The following TUT4 variants were observed in gnomAD, a reference collection of about 807,000 sequenced individuals.
TUT4 encodes the protein terminal uridylyltransferase 4.
Under a neutral mutation model 192.2 loss-of-function variants are expected in TUT4, and 36 were observed. The observed-to-expected ratio is 0.19, with a 90% confidence interval of 0.14 to 0.25. The LOEUF (loss-of-function observed/expected upper bound fraction) is 0.25. Among genes scored for constraint, TUT4 ranks in the 10% least tolerant of loss-of-function variants. The pLI, the probability that TUT4 is intolerant of heterozygous loss-of-function variation, is 1.00. For missense variants in TUT4, 1,493 were observed against 1,957.2 expected (o/e 0.76, Z 4.47); for synonymous variants, 618 against 666.0 (o/e 0.93, Z 1.11).
intron 4 of TUT4, among the ~76,000 whole-genome samples, chr1:52,502,642 T>A (rs1323185474): frequency 8.5e-6 from 1 of 117,712 alleles, no homozygotes; most frequent in Non-Finnish European, 1.7e-5. Context: ...TGAGATGGGA[T>A]CTCACTCCCT....
chr1:52,478,448 TATACATAA>T (rs1667650597), intron 11 of TUT4, among the ~76,000 whole-genome samples: 1 of 152,212 alleles, frequency 6.6e-6, no homozygotes, highest in African/African-American at 2.4e-5. Context: ...AGCTCACACT[TATACATAA>T]GGTTTACCAT....
intron 3 of TUT4, among the ~76,000 whole-genome samples, chr1:52,513,199 C>T (rs1241326217): frequency 6.7e-6 from 1 of 149,722 alleles, no homozygotes; most frequent in African/African-American, 2.5e-5. Flanking sequence ...GTTGGGAGGC[C>T]GAGACCAGTC....
chr1:52,424,735 C>T (rs896906747), intron 29 of TUT4: 1 of 152,194 alleles, frequency 6.6e-6, no homozygotes, highest in African/African-American at 2.4e-5. Context: ...TAAGGTCATT[C>T]AAGTCCTACG....
At chr1:52,460,492 A>T (rs1662255117) in intron 19 of TUT4, among the ~76,000 whole-genome samples, 2 of 152,038 alleles carry the variant, frequency 1.3e-5, no homozygotes, top group Admixed American at 6.6e-5. Flanking sequence ...AACAACAGGA[A>T]CAACAACAAC....
chr1:52,515,486 G>A, intron 3 of TUT4: 1 of 267,026 alleles, frequency 3.7e-6, no homozygotes. Flanking sequence ...AGCCATATAA[G>A]CTCTGTGACA....
chr1:52,477,760 A>G lies in TUT4; in HGVS notation c.1971T>C (p.Asp657=), dbSNP rs766439264. The part of the protein sequence containing the change: ...EEYVICVRIQ[D]ILTRENKNWP... ...AGTTTTTATTTTCTCTTGTTAAAATATCTTGTATCCGTACACATATGACAT... is the reference window on the plus strand; with the variant it reads ...AGTTTTTATTTTCTCTTGTTAAAATGTCTTGTATCCGTACACATATGACAT... The change falls in exon 12 of 30, where the codon GAT becomes GAC. Residue 657 remains aspartate (D), a synonymous_variant. Transcript: ENST00000257177. 1.8e-5 allele frequency: 29 copies of G among 1,613,010 alleles called. No individual in the cohort carries two copies. The highest frequency in any genetic ancestry group is 2.5e-5 in the Non-Finnish European group (29 of 1,179,758).
At position 52,491,098 on chromosome 1, in the gene TUT4, C is replaced by T. The variant is rs74080966; in HGVS notation, c.1319-297G>A. Among the ~76,000 whole-genome samples the T allele has an allele frequency of 7.1e-3, 1,086 of 152,238 alleles. 14 individuals carry two copies. Among genetic ancestry groups the T allele is most frequent in the African/African-American group, 0.023 (961 of 41,542 alleles). ...TTTCCAAGTAAGTAGATAATCTAGTCAAAGTTGTTAAACCTTCATAGATAA... is the reference window on the plus strand; with the variant it reads ...TTTCCAAGTAAGTAGATAATCTAGTTAAAGTTGTTAAACCTTCATAGATAA... On this transcript the variant is annotated intron_variant, in intron 7 of 29. Transcript: ENST00000257177.
At chr1:52,474,767 A>T in intron 13 of TUT4, 65 bp downstream of exon 13, 2 of 1,350,168 alleles carry the variant, frequency 1.5e-6, no homozygotes, top group Non-Finnish European at 9.9e-7. Context: ...TTTCTAATCT[A>T]AAAAATATAC....
intron 14 of TUT4, among the ~76,000 whole-genome samples, chr1:52,471,423 G>A (rs753171948): frequency 6.6e-6 from 1 of 152,168 alleles, no homozygotes; most frequent in Non-Finnish European, 1.5e-5. Context: ...AGATAAAATT[G>A]TGTTTACACT....
intron 3 of TUT4, among the ~76,000 whole-genome samples, chr1:52,511,949 G>A (rs2149327377): frequency 6.6e-6 from 1 of 152,244 alleles, no homozygotes; most frequent in Non-Finnish European, 1.5e-5. Context: ...TGTTGGCTTA[G>A]TTCAAGGTGA....
intron 20 of TUT4, among the ~76,000 whole-genome samples, chr1:52,449,928 T>C (rs1219347338): frequency 6.6e-6 from 1 of 152,204 alleles, no homozygotes; most frequent in Non-Finnish European, 1.5e-5. Context: ...GTCCTCAAGA[T>C]TCATTCATTA....
chr1:52,480,929 C>A (rs1668342567), intron 11 of TUT4, among the ~76,000 whole-genome samples: 1 of 152,164 alleles, frequency 6.6e-6, no homozygotes, highest in African/African-American at 2.4e-5. Context: ...TGTAATAATG[C>A]ATCTGTCCAT....
chr1:52,527,863 C>T (rs1451873329), intron 1 of TUT4, among the ~76,000 whole-genome samples: 2 of 151,986 alleles, frequency 1.3e-5, no homozygotes, highest in Non-Finnish European at 2.9e-5. Context: ...CTCAATTTTG[C>T]TGTGAACCTA....
intron 4 of TUT4, among the ~76,000 whole-genome samples, chr1:52,508,151 G>C (rs1395524700): frequency 6.6e-6 from 1 of 151,732 alleles, no homozygotes; most frequent in Non-Finnish European, 1.5e-5. Flanking sequence ...GCTTGCCCAG[G>C]TGAAACCCCG....
At chr1:52,546,480 G>C (rs1404838883) in intron 1 of TUT4, among the ~76,000 whole-genome samples, 1 of 152,108 alleles carries the variant, frequency 6.6e-6, no homozygotes, top group Non-Finnish European at 1.5e-5. Context: ...GAGGTATTTA[G>C]AGTAGTCAAA....
intron 4 of TUT4, 152 bp from the exon 5 acceptor site, chr1:52,497,335 G>T: frequency 2.5e-6 from 2 of 785,820 alleles, no homozygotes; most frequent in Non-Finnish European, 3.8e-6. Context: ...GTGAACAAAA[G>T]ACTTCTGCCT....
chr1:52,454,306 T>A (rs559026177), intron 20 of TUT4, among the ~76,000 whole-genome samples: 123 of 152,322 alleles, frequency 8.1e-4, no homozygotes, highest in African/African-American at 2.8e-3. Flanking sequence ...GCAAGACTGA[T>A]GCAACCCAAC....
intron 1 of TUT4, among the ~76,000 whole-genome samples, 163 bp downstream of exon 1, chr1:52,552,764 GGAAA>G (rs950606882): frequency 6.6e-6 from 1 of 152,200 alleles, no homozygotes; most frequent in Non-Finnish European, 1.5e-5. Flanking sequence ...GCCCGTTCCA[GGAAA>G]GAAAGAAGTG....
In TUT4 at chr1:52,458,462, A is replaced by G. The variant is rs1258267713; in HGVS notation, c.3322-13T>C. 1 of 1,591,800 alleles carries G rather than the reference A, an allele frequency of 6.3e-7. No individual in the cohort carries two copies. ...CAATGTCACATCGCTAAAAAACAAC[A>G]TGATTGAAAACAAAACTTCAGAGTC... On this transcript the variant is annotated splice_polypyrimidine_tract_variant and intron_variant, in intron 19 of 29. Coordinates refer to ENST00000257177, the MANE Select transcript of TUT4 (RefSeq NM_001009881.3).
Sources: allele counts gnomAD v4.1 joint callset (sites outside exome capture counted in the v4.1 genomes callset), GRCh38; gene constraint gnomAD v4.1.1; transcripts MANE v1.5; gene names NCBI Gene and HGNC (gene_info 2026-07-23, HGNC 2026-07-21).